The following ANK3 variants were observed in gnomAD, a reference collection of about 807,000 sequenced individuals.
ANK3 encodes ankyrin 3.
In ANK3, 57 loss-of-function variants were observed where a neutral mutation model predicts 370.9. The observed-to-expected ratio is 0.15, with a 90% CI of 0.12 to 0.19. ANK3 has a LOEUF of 0.19. ANK3 is among the 10% of genes least tolerant of loss of function. The probability of loss-of-function intolerance (pLI) is 1.00; values close to 1 mark genes in which losing one functional copy is unlikely to be tolerated. For synonymous variants in ANK3, 1,929 were observed against 1,946.3 expected (o/e 0.99, Z 0.23); for missense variants, 4,439 against 5,302.1 (o/e 0.84, Z 5.06).
intron 2 of ANK3, among the ~76,000 whole-genome samples, chr10:60,465,264 CAAA>C (rs71973539): frequency 1.4e-5 from 2 of 139,228 alleles, no homozygotes; most frequent in African/African-American, 2.6e-5. Context: ...ACCTAGTCAC[CAAA>C]AAAAAAAAAG....
chr10:60,271,804 G>T (rs1050386329), intron 4 of ANK3, among the ~76,000 whole-genome samples: 3 of 151,226 alleles, frequency 2.0e-5, no homozygotes, highest in Admixed American at 6.6e-5. Context: ...AGATAAATGC[G>T]ATGCCACATA....
Position 60,724,137 on chromosome 10 carries a change from GA to G in ANK3, c.57+9125del, listed in dbSNP as rs1180353064. Among the ~76,000 whole-genome samples, 54 of 130,560 alleles carry G rather than the reference GA, an allele frequency of 4.1e-4. 2 individuals carry two copies. Among genetic ancestry groups the G allele is most frequent in the Middle Eastern group, 3.8e-3 (1 of 262 alleles). The allele number at this position is 130,560 out of a possible 152,430, so 85.7% of individuals were successfully genotyped here. A position where few individuals can be genotyped will look rare whatever the true frequency, so the allele number is the denominator to read the frequency against. On this transcript the variant is annotated intron_variant, in intron 1 of 43. Coordinates refer to the ANK3 transcript ENST00000373827. ...AGGCAGGAAAATGGCGTGAACCCGG[GA>G]GGCGGAGCTTGCAGTGAGCCGAGAT...
At chr10:60,105,094 G>C (rs182475788) in intron 28 of ANK3, among the ~76,000 whole-genome samples, 1 of 152,230 alleles carries the variant, frequency 6.6e-6, no homozygotes, top group East Asian at 1.9e-4. Flanking sequence ...CTCGAATAAA[G>C]CTGTTGTTTA....
intron 2 of ANK3, among the ~76,000 whole-genome samples, chr10:60,462,036 G>T (rs963670678): frequency 2.6e-5 from 4 of 152,114 alleles, no homozygotes; most frequent in Non-Finnish European, 4.4e-5. Context: ...CTTTGAGAGA[G>T]AAACTAGAAC....
chr10:60,559,864 G>A (rs1196738831), intron 2 of ANK3, among the ~76,000 whole-genome samples: 1 of 152,126 alleles, frequency 6.6e-6, no homozygotes, highest in Non-Finnish European at 1.5e-5. Flanking sequence ...CCAACATGGT[G>A]AAACCCCATC....
intron 2 of ANK3, among the ~76,000 whole-genome samples, chr10:60,611,530 A>G (rs1003861675): frequency 6.6e-6 from 1 of 152,112 alleles, no homozygotes; most frequent in African/African-American, 2.4e-5. Flanking sequence ...AGTCAGCCTC[A>G]TTGTAACCCA....
At position 60,076,296 on chromosome 10, in the gene ANK3, A is replaced by G. The variant is rs200919668; in HGVS notation, c.4585T>C (p.Ser1529Pro). 4.0e-4 allele frequency: 638 copies of G among 1,614,010 alleles called. No individual in the cohort carries two copies. The highest frequency in any genetic ancestry group is 5.3e-4 in the Non-Finnish European group (625 of 1,179,982). The change falls in exon 37 of 44, where the codon TCT (serine) becomes CCT (proline). Residue 1529 changes from serine to proline, a missense_variant. Ser to Pro is a moderately conservative substitution (Grantham distance 74, BLOSUM62 -1). Transcript: ENST00000280772. The stretch of plus-strand genomic sequence containing the variant: ...AACGGAGAAGCTGATGGCGTATTAG[A>G]GGAAGAACTTGATAAGGAAGTGAAG... ...SGFTSLSSSS[S>P]NTPSASPLKS...
At chr10:60,645,852 C>G (rs10443929) in intron 1 of ANK3, among the ~76,000 whole-genome samples, 103,307 of 152,128 alleles carry the variant, frequency 0.68, 35,195 homozygotes, top group South Asian at 0.83. Flanking sequence ...TAAGAATTAG[C>G]ATACAAAAAC....
chr10:60,043,774 G>C, intron 42 of ANK3: 2 of 985,360 alleles, frequency 2.0e-6, no homozygotes, highest in Non-Finnish European at 1.2e-6. Context: ...ACTGCTCTGA[G>C]GTTTGGTGGT....
intron 1 of ANK3, chr10:60,733,159 G>T: frequency 1.0e-6 from 1 of 978,818 alleles, no homozygotes; most frequent in Non-Finnish European, 1.3e-6. Flanking sequence ...CCCCCAGGAG[G>T]GCAGGACTCC....
At chr10:60,201,708 C>CTTTTT (rs10544317) in intron 12 of ANK3, among the ~76,000 whole-genome samples, 2 of 120,280 alleles carry the variant, frequency 1.7e-5, no homozygotes. Flanking sequence ...GAAATCACTT[C>CTTTTT]TTTTTTTTTT....
chr10:60,583,516 T>A lies in ANK3; in HGVS notation c.96+31670A>T. Among the ~76,000 whole-genome samples, 2 of 123,622 alleles carry A rather than the reference T, an allele frequency of 1.6e-5. 1 individual carries two copies. Among genetic ancestry groups the A allele is most frequent in the Admixed American group, 1.7e-4 (2 of 11,728 alleles). The allele number at this position is 123,622 out of a possible 152,430, so 81.1% of individuals were successfully genotyped here. On this transcript the variant is annotated intron_variant, in intron 2 of 43. Coordinates refer to the ANK3 transcript ENST00000373827. ...AGCTTACAGAGAGGTTTTTTGTTTT[T>A]TGTTTTTTGTTTTTTTTTGAGGTGG...
At chr10:60,097,149 G>C (rs540893607) in intron 28 of ANK3, among the ~76,000 whole-genome samples, 1 of 152,332 alleles carries the variant, frequency 6.6e-6, no homozygotes, top group Non-Finnish European at 1.5e-5. Flanking sequence ...GGTAAAATAG[G>C]TGTCTGAAGT....
At chr10:60,157,305 G>A (rs552043938) in intron 23 of ANK3, among the ~76,000 whole-genome samples, 1 of 149,628 alleles carries the variant, frequency 6.7e-6, no homozygotes, top group South Asian at 2.1e-4. Flanking sequence ...CCAAAGTGCT[G>A]GGACTACAGG....
intron 2 of ANK3, among the ~76,000 whole-genome samples, chr10:60,595,098 T>G (rs2077968563): frequency 6.6e-6 from 1 of 152,156 alleles, no homozygotes; most frequent in African/African-American, 2.4e-5. Flanking sequence ...AACAAGTCCC[T>G]GGAAAATCTA....
chr10:60,403,243 G>A (rs776752040), intron 2 of ANK3, among the ~76,000 whole-genome samples: 1 of 152,032 alleles, frequency 6.6e-6, no homozygotes, highest in African/African-American at 2.4e-5. Context: ...ACACCTATAT[G>A]GTTTTGCTGG....
intron 2 of ANK3, among the ~76,000 whole-genome samples, chr10:60,521,981 T>A (rs1595198161): frequency 6.6e-6 from 1 of 152,136 alleles, no homozygotes; most frequent in African/African-American, 2.4e-5. Context: ...TAGGTAGCAT[T>A]GCTGCCATTA....
intron 1 of ANK3, among the ~76,000 whole-genome samples, chr10:60,706,182 G>A (rs1589055481): frequency 6.6e-6 from 1 of 152,246 alleles, no homozygotes; most frequent in Non-Finnish European, 1.5e-5. Flanking sequence ...CAGAAGCATG[G>A]CCATCTTGCA....
At position 60,125,181 on chromosome 10, in the gene ANK3, TCTTGAAGTCAACTATTATTA is replaced by T. The variant is rs1565169636; in HGVS notation, c.2841+9070_2841+9089del. The stretch of plus-strand genomic sequence containing the variant: ...CTTTTTTCCCTTACGGTATTTATTT[TCTTGAAGTCAACTATTATTA>T]CTCTTAAGACTTATTTTGAGAATAG... On this transcript the variant is annotated intron_variant, in intron 25 of 43. Transcript: ENST00000280772. Among the ~76,000 whole-genome samples, 4 of 152,340 alleles carry T rather than the reference TCTTGAAGTCAACTATTATTA, an allele frequency of 2.6e-5. No individual in the cohort carries two copies. In the East Asian group the frequency reaches 7.7e-4, roughly 29 times the overall value.
Sources: gnomAD v4.1 joint callset for allele counts (sites outside exome capture counted in the v4.1 genomes callset) on GRCh38, gnomAD v4.1.1 for gene constraint, MANE v1.5 for transcripts, NCBI Gene and HGNC (gene_info 2026-07-23, HGNC 2026-07-21) for gene names.